CD247: variants seen among roughly 807,000 people sequenced by gnomAD.
CD247 encodes T-cell surface glycoprotein CD3 zeta chain.
A neutral mutation model predicts 30.0 loss-of-function variants in CD247; 13 were observed. The observed-to-expected ratio is 0.43, with a 90% CI of 0.28 to 0.69. The LOEUF (loss-of-function observed/expected upper bound fraction) is 0.69. CD247 is among the 30% of genes least tolerant of loss of function. The pLI is 0.16. For synonymous variants in CD247, 72 were observed against 80.0 expected, an observed-to-expected ratio of 0.90 and a Z score of 0.53; for missense variants, 193 against 212.6, an observed-to-expected ratio of 0.91 and a Z score of 0.57.
chr1:167,498,423 C>T (rs1006341747), intron 1 of CD247, among the ~76,000 whole-genome samples: 2 of 152,208 alleles, frequency 1.3e-5, no homozygotes, highest in Non-Finnish European at 2.9e-5. Context: ...CAGGGACTGT[C>T]AAAAGAGTCT....
At chr1:167,436,966 C>G (rs187928521) in intron 4 of CD247, among the ~76,000 whole-genome samples, 1 of 152,262 alleles carries the variant, frequency 6.6e-6, no homozygotes, top group East Asian at 1.9e-4. Context: ...CCCAACAATC[C>G]CGCTTCTGGG....
At chr1:167,457,186 C>A (rs192736064) in intron 1 of CD247, among the ~76,000 whole-genome samples, 19 of 152,200 alleles carry the variant, frequency 1.2e-4, no homozygotes, top group African/African-American at 4.3e-4. Flanking sequence ...ACATTCTCAG[C>A]GGTGCTTTTG....
intron 1 of CD247, among the ~76,000 whole-genome samples, chr1:167,442,263 C>G (rs948672604): frequency 1.3e-5 from 2 of 152,206 alleles, no homozygotes; most frequent in African/African-American, 2.4e-5. Context: ...TCACTCCACC[C>G]CTGCCTGGTA....
At chr1:167,453,048 T>TTATAGATATATATTATATATATAC (rs1652443546) in intron 1 of CD247, among the ~76,000 whole-genome samples, 1 of 148,252 alleles carries the variant, frequency 6.7e-6, no homozygotes, top group Non-Finnish European at 1.5e-5. Flanking sequence ...TATATATATA[T>TTATAGATATATATTATATATATAC]ATTATAGATA....
At chr1:167,506,889 C>T (rs1655159707) in intron 1 of CD247, among the ~76,000 whole-genome samples, 1 of 135,688 alleles carries the variant, frequency 7.4e-6, no homozygotes, top group African/African-American at 2.7e-5. Flanking sequence ...TATGTTCCCT[C>T]TGATTTTTTT....
At chr1:167,508,471 T>TA (rs1361617074) in intron 1 of CD247, among the ~76,000 whole-genome samples, 1 of 152,222 alleles carries the variant, frequency 6.6e-6, no homozygotes, top group East Asian at 1.9e-4. Context: ...TTGAAGCCTC[T>TA]ATGTTTAATA....
At chr1:167,503,499 C>A (rs1209356038) in intron 1 of CD247, among the ~76,000 whole-genome samples, 1 of 152,194 alleles carries the variant, frequency 6.6e-6, no homozygotes, top group South Asian at 2.1e-4. Flanking sequence ...ACGTGTAATG[C>A]ACATTTGCAG....
Position 167,500,759 on chromosome 1 carries a change from A to G in CD247, c.58+17649T>C, listed in dbSNP as rs373754053. ...ATGCTTTTATCGCTCAGGCAGCTCA[A>G]TCACATTTGGTTTTCCATTTCACTC... On this transcript the variant is annotated intron_variant, in intron 1 of 7. Transcript: ENST00000362089. 2.6e-5 allele frequency among the ~76,000 whole-genome samples: 4 copies of G among 152,344 alleles called. No homozygotes were observed. In the East Asian group the frequency reaches 7.7e-4, roughly 29 times the overall value.
chr1:167,498,617 T>G (rs1654788173), intron 1 of CD247, among the ~76,000 whole-genome samples: 1 of 152,250 alleles, frequency 6.6e-6, no homozygotes, highest in South Asian at 2.1e-4. Flanking sequence ...ACACACATTT[T>G]CTTTAATTAT....
intron 1 of CD247, among the ~76,000 whole-genome samples, chr1:167,485,956 G>A (rs1226160582): frequency 6.6e-6 from 1 of 152,112 alleles, no homozygotes; most frequent in Non-Finnish European, 1.5e-5. Flanking sequence ...CTGGAGGCTG[G>A]GGAGGGGAGG....
intron 1 of CD247, among the ~76,000 whole-genome samples, chr1:167,449,083 T>C (rs1652223896): frequency 6.6e-6 from 1 of 152,080 alleles, no homozygotes; most frequent in Non-Finnish European, 1.5e-5. Flanking sequence ...ATGTTTCTCT[T>C]CTTGTATTTT....
chr1:167,444,302 C>T (rs879285595), intron 1 of CD247, among the ~76,000 whole-genome samples: 5 of 152,206 alleles, frequency 3.3e-5, no homozygotes, highest in Non-Finnish European at 7.3e-5. Flanking sequence ...GATGCCAGCT[C>T]AAAGGCACCG....
chr1:167,450,582 T>C (rs1652306535), intron 1 of CD247, among the ~76,000 whole-genome samples: 1 of 152,032 alleles, frequency 6.6e-6, no homozygotes, highest in Non-Finnish European at 1.5e-5. Context: ...AAGATATAAA[T>C]AGGCAATTCG....
intron 1 of CD247, among the ~76,000 whole-genome samples, chr1:167,487,243 G>C (rs1032556594): frequency 1.3e-5 from 2 of 151,888 alleles, no homozygotes; most frequent in Admixed American, 6.6e-5. Flanking sequence ...CAGGCATGGT[G>C]GTGGGCGCCT....
rs71632311 is a variant in CD247, at chr1:167,430,755, C to T, written c.*926G>A. The T allele has an allele frequency of 0.018, 7,054 of 398,662 alleles. 91 individuals are homozygous for T. The highest frequency in any genetic ancestry group is 0.027 in the South Asian group (212 of 7,866). 24.7% of individuals were successfully genotyped at this position (398,662 alleles called of 1,614,324 possible). ...AGCGTTTTCCATCCATGGCCTGTGC[C>T]CTGTAATGACGCAGCAGTATCCTAG... On this transcript the variant is annotated 3_prime_UTR_variant, in exon 8 of 8. Transcript: ENST00000362089.
chr1:167,498,215 C>T (rs1654774406), intron 1 of CD247, among the ~76,000 whole-genome samples: 1 of 152,242 alleles, frequency 6.6e-6, no homozygotes, highest in Non-Finnish European at 1.5e-5. Context: ...CTGCAGCTCA[C>T]AGACTTCGGT....
intron 7 of CD247, among the ~76,000 whole-genome samples, chr1:167,432,610 C>CT (rs1397929825): frequency 6.6e-6 from 1 of 152,212 alleles, no homozygotes; most frequent in East Asian, 1.9e-4. Context: ...TTTTTCTTAG[C>CT]TTTTTTTCCT....
intron 1 of CD247, among the ~76,000 whole-genome samples, chr1:167,461,206 C>T (rs1021590996): frequency 6.6e-6 from 1 of 152,222 alleles, no homozygotes; most frequent in South Asian, 2.1e-4. Flanking sequence ...TCAGCCGGGC[C>T]GCCCCTAGGC....
At chr1:167,498,734 CA>C (rs938309464) in intron 1 of CD247, among the ~76,000 whole-genome samples, 24 of 152,140 alleles carry the variant, frequency 1.6e-4, no homozygotes, top group Admixed American at 4.6e-4. Flanking sequence ...GTGATAAAGC[CA>C]AAACTTTAAT....
Sources: allele counts gnomAD v4.1 joint callset (sites outside exome capture counted in the v4.1 genomes callset), GRCh38; gene constraint gnomAD v4.1.1; transcripts MANE v1.5; gene names NCBI Gene and HGNC (gene_info 2026-07-23, HGNC 2026-07-21).